Variants in PDE1C observed in about 807,000 individuals in gnomAD.
PDE1C encodes the protein phosphodiesterase 1C.
In PDE1C, 62 loss-of-function variants were observed where a neutral mutation model predicts 93.1. The observed-to-expected ratio is 0.67, with a 90% CI of 0.54 to 0.82. PDE1C has a LOEUF of 0.82. Ranked by LOEUF, PDE1C falls within the 40% of genes least tolerant of loss-of-function variation. The pLI is 0.00. For missense variants in PDE1C, 742 were observed against 884.6 expected (o/e 0.84, Z 2.04); for synonymous variants, 325 against 310.1 (o/e 1.05, Z -0.50).
At chr7:32,304,688 GA>G (rs949577537) in intron 1 of PDE1C, among the ~76,000 whole-genome samples, 16 of 151,964 alleles carry the variant, frequency 1.1e-4, no homozygotes, top group Admixed American at 2.0e-4. Flanking sequence ...TGTGATCTTA[GA>G]AAAATGACTT....
exon 2 of PDE1C, chr7:32,209,512 G>A: frequency 6.4e-7 from 1 of 1,573,284 alleles, no homozygotes; most frequent in South Asian, 1.2e-5. Flanking sequence ...CAGTGGTCTG[G>A]CATTCTTGTC....
chr7:32,267,965 C>G (rs1315431727), intron 1 of PDE1C, among the ~76,000 whole-genome samples: 2 of 152,182 alleles, frequency 1.3e-5, no homozygotes, highest in Non-Finnish European at 2.9e-5. Flanking sequence ...GACGACTGTG[C>G]TGAAAGTGAC....
At chr7:31,815,718 A>G (rs955170591) in intron 15 of PDE1C, among the ~76,000 whole-genome samples, 1 of 152,102 alleles carries the variant, frequency 6.6e-6, no homozygotes, top group Non-Finnish European at 1.5e-5. Context: ...AAAGGTATCA[A>G]TCTCCCTGAA....
rs535859887 is a variant in PDE1C, at chr7:32,081,617, C to T, written c.308+88168G>A. ...GCAATTCCTAAGGATGCTGCTATTA[C>T]CTGGGACTTTTGACCACTTTTTCTC... On this transcript the variant is annotated intron_variant, in intron 3 of 18. Transcript: ENST00000396193. 9.2e-5 allele frequency among the ~76,000 whole-genome samples: 14 copies of T among 152,334 alleles called. No homozygotes were observed. The South Asian group carries it at 2.5e-3, about 27-fold the overall frequency.
chr7:32,401,492 A>T (rs1291840282), intron 1 of PDE1C, among the ~76,000 whole-genome samples: 1 of 151,774 alleles, frequency 6.6e-6, no homozygotes, highest in South Asian at 2.1e-4. Flanking sequence ...AGCCAAGATC[A>T]TGCCACTGCA....
intron 1 of PDE1C, among the ~76,000 whole-genome samples, chr7:32,321,298 G>A (rs1460585363): frequency 6.6e-6 from 1 of 152,220 alleles, no homozygotes; most frequent in Non-Finnish European, 1.5e-5. Flanking sequence ...GCGCAGATGA[G>A]TTTCAAAAGG....
chr7:31,732,611 T>TTCTCTCTCTC, the PDE1C span, among the ~76,000 whole-genome samples: 4 of 143,794 alleles, frequency 2.8e-5, no homozygotes, highest in African/African-American at 1.1e-4. Flanking sequence ...CTTTAAATCT[T>TTCTCTCTCTC]TCTCTCTCTC....
At chr7:31,940,073 C>T (rs1335824375) in intron 2 of PDE1C, among the ~76,000 whole-genome samples, 3 of 152,186 alleles carry the variant, frequency 2.0e-5, no homozygotes, top group Non-Finnish European at 2.9e-5. Flanking sequence ...TTTTAGAAAT[C>T]GCAAATGCTC....
At chr7:32,014,387 C>T (rs952234595) in intron 2 of PDE1C, among the ~76,000 whole-genome samples, 4 of 152,262 alleles carry the variant, frequency 2.6e-5, no homozygotes, top group South Asian at 4.1e-4. Context: ...TTTTAACGCC[C>T]ACAAATCTAG....
At chr7:32,420,866 G>T (rs139162879) in intron 1 of PDE1C, among the ~76,000 whole-genome samples, 138 of 152,200 alleles carry the variant, frequency 9.1e-4, no homozygotes, top group African/African-American at 3.1e-3. Flanking sequence ...GGCTCAATGT[G>T]AGAGTCCGTT....
chr7:31,862,464 C>T (rs539788928), intron 7 of PDE1C, among the ~76,000 whole-genome samples: 1 of 152,232 alleles, frequency 6.6e-6, no homozygotes, highest in Non-Finnish European at 1.5e-5. Flanking sequence ...GGCCGGGTGA[C>T]TTATAAACAA....
At chr7:32,137,173 T>A (rs1800259111) in intron 3 of PDE1C, among the ~76,000 whole-genome samples, 1 of 152,192 alleles carries the variant, frequency 6.6e-6, no homozygotes, top group Non-Finnish European at 1.5e-5. Flanking sequence ...AAACCCAACA[T>A]GTACTGTGAA....
At chr7:31,837,777 T>A in intron 10 of PDE1C, 93 bp downstream of exon 10, 1 of 791,464 alleles carries the variant, frequency 1.3e-6, no homozygotes, top group South Asian at 1.5e-5. Context: ...TAAAGTTGTG[T>A]TAAAGGAGAT....
chr7:32,027,607 T>TAAAAAAAAAAAAAAA (rs551660766), intron 2 of PDE1C, among the ~76,000 whole-genome samples: 12 of 78,498 alleles, frequency 1.5e-4, no homozygotes, highest in East Asian at 9.2e-4. Flanking sequence ...TCAAAAATGG[T>TAAAAAAAAAAAAAAA]AAAAAAAAAA....
chr7:31,956,866 A>C (rs923675193), intron 2 of PDE1C, among the ~76,000 whole-genome samples: 21 of 152,280 alleles, frequency 1.4e-4, no homozygotes, highest in African/African-American at 4.3e-4. Context: ...GGACCAATTT[A>C]TATTTGTACA....
At chr7:31,762,152 C>T (rs1238218919) in intron 17 of PDE1C, among the ~76,000 whole-genome samples, 1 of 152,156 alleles carries the variant, frequency 6.6e-6, no homozygotes, top group East Asian at 1.9e-4. Context: ...GACACAAAAG[C>T]CTTATAGTGA....
At chr7:32,380,521 C>T (rs1270246766) in intron 1 of PDE1C, among the ~76,000 whole-genome samples, 2 of 151,470 alleles carry the variant, frequency 1.3e-5, no homozygotes, top group Admixed American at 6.6e-5. Flanking sequence ...GCTGGGATTA[C>T]AGGTGTGAGC....
intron 3 of PDE1C, among the ~76,000 whole-genome samples, chr7:32,169,629 A>G (rs1183291148): frequency 6.6e-6 from 1 of 152,212 alleles, no homozygotes; most frequent in African/African-American, 2.4e-5. Context: ...CCAGAAGTCC[A>G]GCTAGCATTG....
In PDE1C at chr7:31,822,558, T is replaced by C. The variant is rs115075665; in HGVS notation, c.1582+515A>G. 5.1e-3 allele frequency among the ~76,000 whole-genome samples: 772 copies of C among 152,230 alleles called. 4 individuals carry two copies. The highest frequency in any genetic ancestry group is 0.018 in the African/African-American group (736 of 41,540). ...TCAGGGAATTTCTGTTTACCGACAA[T>C]TTACCATCATCTCAGAAGATCAGTT... is the stretch of plus-strand genomic sequence containing the variant. On this transcript the variant is annotated intron_variant, in intron 14 of 17. Coordinates refer to ENST00000396191, the MANE Select transcript of PDE1C (RefSeq NM_001191057.4).
Sources: gnomAD v4.1 joint callset for allele counts (sites outside exome capture counted in the v4.1 genomes callset) on GRCh38, gnomAD v4.1.1 for gene constraint, MANE v1.5 for transcripts, NCBI Gene and HGNC (gene_info 2026-07-23, HGNC 2026-07-21) for gene names.